NASP: variants seen among roughly 807,000 people sequenced by gnomAD.
NASP encodes nuclear autoantigenic sperm protein, also known as NASP histone chaperone.
In NASP, 24 loss-of-function variants were observed where a neutral mutation model predicts 89.5. The observed-to-expected ratio is 0.27, with a 90% CI of 0.19 to 0.38. The LOEUF (loss-of-function observed/expected upper bound fraction) is 0.38, where lower values mean the gene tolerates loss of function less well. Ranked by LOEUF, NASP falls within the 10% of genes least tolerant of loss-of-function variation. NASP has a pLI of 1.00. For missense variants in NASP, 848 were observed against 921.4 expected, an observed-to-expected ratio of 0.92 and a Z score of 1.03; for synonymous variants, 306 against 324.7, an observed-to-expected ratio of 0.94 and a Z score of 0.62.
chr1:45,597,359 A>G (rs966439857), intron 2 of NASP, among the ~76,000 whole-genome samples: 2 of 143,776 alleles, frequency 1.4e-5, no homozygotes, highest in Non-Finnish European at 3.0e-5. Flanking sequence ...GGGTGTGGTA[A>G]CAGAAGAATA....
At chr1:45,584,597 C>T (rs147212372) in intron 1 of NASP, among the ~76,000 whole-genome samples, 1 of 151,898 alleles carries the variant, frequency 6.6e-6, no homozygotes, top group African/African-American at 2.4e-5. Context: ...CCTGGATAAC[C>T]CGGGAATATA....
Position 45,613,141 on chromosome 1 carries a change from C to A in NASP, c.1427-28C>A, listed in dbSNP as rs767537062. 4 of 1,594,762 alleles carry A rather than the reference C, an allele frequency of 2.5e-6. No individual in the cohort carries two copies. In the Admixed American group the frequency reaches 5.3e-5, roughly 21 times the overall value. ...GTCAGAATACGTTCTTAGTTATATT[C>A]TCAATACTGAGGAATTTTTACTTGT... On this transcript the variant is annotated intron_variant, in intron 6 of 14. Coordinates refer to ENST00000350030, the MANE Select transcript of NASP (RefSeq NM_002482.4).
intron 2 of NASP, among the ~76,000 whole-genome samples, chr1:45,593,332 A>G (rs962726914): frequency 1.2e-4 from 19 of 152,162 alleles, no homozygotes; most frequent in African/African-American, 4.8e-5. Context: ...CAGGAGTTCA[A>G]GACCAGCCTG....
At chr1:45,610,967 C>T (rs981790579) in intron 6 of NASP, 1 of 152,358 alleles carries the variant, frequency 6.6e-6, no homozygotes, top group Non-Finnish European at 1.5e-5. Context: ...ATCCACTAGC[C>T]TCAGCCTCCC....
At chr1:45,604,898 A>G (rs139308554) in intron 3 of NASP, 38 bp from the exon 4 acceptor site, 22,431 of 1,412,638 alleles carry the variant, frequency 0.016, 243 homozygotes, top group Middle Eastern at 0.022. Context: ...TTTAGATTAG[A>G]TGGTAATTCA....
At chr1:45,615,501 A>C (rs1010681085) in intron 11 of NASP, 30 bp downstream of exon 11, 12 of 1,588,552 alleles carry the variant, frequency 7.6e-6, no homozygotes, top group Non-Finnish European at 1.0e-5. Flanking sequence ...TGATAATAGC[A>C]TGTTTGGTAC....
chr1:45,586,945 A>C (rs1000022778), intron 1 of NASP, among the ~76,000 whole-genome samples: 2 of 151,998 alleles, frequency 1.3e-5, no homozygotes, highest in African/African-American at 4.8e-5. Context: ...CAATCCTTCC[A>C]TCTCAGCCTT....
At chr1:45,584,982 A>G (rs997731383) in intron 1 of NASP, among the ~76,000 whole-genome samples, 1 of 152,192 alleles carries the variant, frequency 6.6e-6, no homozygotes, top group African/African-American at 2.4e-5. Flanking sequence ...TGGGGGGAAC[A>G]TTACCGGACG....
intron 2 of NASP, among the ~76,000 whole-genome samples, chr1:45,599,584 C>T (rs747219984): frequency 3.3e-5 from 5 of 152,052 alleles, no homozygotes; most frequent in Admixed American, 1.3e-4. Context: ...CACACCACCA[C>T]GCCCGGCTAA....
chr1:45,616,459 C>G, intron 12 of NASP, 66 bp downstream of exon 12: 2 of 1,570,106 alleles, frequency 1.3e-6, no homozygotes, highest in African/African-American at 2.7e-5. Flanking sequence ...GCCTGTAATC[C>G]CAGCATTTTG....
In NASP at chr1:45,618,090, A is replaced by G; in HGVS notation, c.2316A>G (p.Ala772=). 6.2e-7 allele frequency: 1 copy of G among 1,603,848 alleles called. No homozygotes were observed. Reference sequence around the variant, plus strand: ...AGAATCAGGCTGAAAGCCGGGCAGCAGTGGAGGGGACAGTGGAGGCTGGAG... The same window carrying G: ...AGAATCAGGCTGAAAGCCGGGCAGCGGTGGAGGGGACAGTGGAGGCTGGAG... The part of the protein sequence containing the change: ...EAENQAESRA[A]VEGTVEAGAT... The change falls in exon 15 of 15, where the codon GCA becomes GCG. Residue 772 remains alanine, a synonymous_variant. Transcript: ENST00000350030.
chr1:45,587,868 C>T (rs1369734986), intron 1 of NASP, among the ~76,000 whole-genome samples: 1 of 150,218 alleles, frequency 6.7e-6, no homozygotes, highest in Non-Finnish European at 1.5e-5. Flanking sequence ...GTCCTGTAAT[C>T]GCTTGAAACC....
At position 45,614,380 on chromosome 1, in the gene NASP, C is replaced by A. The variant is rs1486474592; in HGVS notation, c.1666+14C>A. ...GTGTTGAATCTGGTAATGCATTTTC[C>A]ATTTTATACTCTCCTACTCTCTTCA... On this transcript the variant is annotated intron_variant, in intron 9 of 14. Coordinates refer to ENST00000350030, the MANE Select transcript of NASP (RefSeq NM_002482.4). 6.3e-7 allele frequency: 1 copy of A among 1,582,748 alleles called. No individual in the cohort carries two copies. Among genetic ancestry groups the A allele is most frequent in the Admixed American group, 1.7e-5 (1 of 59,982 alleles).
intron 6 of NASP, chr1:45,612,610 G>A (rs1241599541): frequency 6.6e-6 from 1 of 152,302 alleles, no homozygotes; most frequent in African/African-American, 2.4e-5. Context: ...CTCAAATTCT[G>A]TATGTGCTAG....
chr1:45,596,811 G>C (rs1365532332), intron 2 of NASP, among the ~76,000 whole-genome samples: 1 of 151,872 alleles, frequency 6.6e-6, no homozygotes, highest in Non-Finnish European at 1.5e-5. Flanking sequence ...GTAAAACCCT[G>C]TCTCTAGTAA....
Position 45,618,093 on chromosome 1 carries a change from G to A in NASP, c.2319G>A (p.Val773=), listed in dbSNP as rs1281904531. 4.4e-6 allele frequency: 7 copies of A among 1,604,152 alleles called. 1 individual carries two copies. The highest frequency in any genetic ancestry group is 6.0e-6 in the Non-Finnish European group (7 of 1,175,224). ...ATCAGGCTGAAAGCCGGGCAGCAGT[G>A]GAGGGGACAGTGGAGGCTGGAGCTA... ...AENQAESRAA[V]EGTVEAGATV... The change falls in exon 15 of 15, where the codon GTG becomes GTA. Residue 773 remains valine (V), a synonymous_variant. Transcript: ENST00000350030.
intron 2 of NASP, chr1:45,600,374 T>G (rs779458177): frequency 1.2e-5 from 15 of 1,274,718 alleles, no homozygotes; most frequent in Non-Finnish European, 1.4e-5. Context: ...TGTACTTCAT[T>G]CCCTCCCCAG....
chr1:45,586,664 A>G (rs1415521729), intron 1 of NASP, among the ~76,000 whole-genome samples: 2 of 152,240 alleles, frequency 1.3e-5, no homozygotes, highest in African/African-American at 4.8e-5. Context: ...AGTGTGTCTC[A>G]GTTAAGTAAG....
intron 1 of NASP, among the ~76,000 whole-genome samples, chr1:45,586,278 GTGTGTGGTGTGTGT>G (rs1163302420): frequency 5.5e-4 from 25 of 45,660 alleles, no homozygotes; most frequent in African/African-American, 1.6e-3. Context: ...GTGTGTGTGT[GTGTGTGGTGTGTGT>G]GTGTGTGTGT....
Sources: gnomAD v4.1 joint callset for allele counts (sites outside exome capture counted in the v4.1 genomes callset) on GRCh38, gnomAD v4.1.1 for gene constraint, MANE v1.5 for transcripts, NCBI Gene and HGNC (gene_info 2026-07-23, HGNC 2026-07-21) for gene names.